LSAMP: variants seen among roughly 807,000 people sequenced by gnomAD.
The protein encoded by LSAMP is limbic system associated membrane protein.
LSAMP carries 7 observed loss-of-function variants against 38.6 expected under a neutral mutation model. The observed-to-expected ratio is 0.18, with a 90% CI of 0.10 to 0.34. The LOEUF (loss-of-function observed/expected upper bound fraction) is 0.34, where lower values mean the gene tolerates loss of function less well. Ranked by LOEUF, LSAMP falls within the 10% of genes least tolerant of loss-of-function variation. The pLI is 1.00. For missense variants in LSAMP, 313 were observed against 420.0 expected (o/e 0.75, Z 2.23); for synonymous variants, 154 against 166.8 (o/e 0.92, Z 0.59).
Position 116,404,634 on chromosome 3 carries a change from C to T in LSAMP, c.155+40243G>A, listed in dbSNP as rs144070306. Among the ~76,000 whole-genome samples the T allele has an allele frequency of 3.0e-4, 45 of 152,248 alleles. 1 individual carries two copies. In the East Asian group the frequency reaches 8.5e-3, roughly 29 times the overall value. On this transcript the variant is annotated intron_variant, in intron 1 of 6. Transcript: ENST00000490035. ...CAATGATAATGATGACAATAAAACT[C>T]TCTACAGATATACTATCTCACAAAG...
At chr3:116,333,842 A>G (rs2047885404) in intron 1 of LSAMP, among the ~76,000 whole-genome samples, 1 of 151,902 alleles carries the variant, frequency 6.6e-6, no homozygotes, top group Non-Finnish European at 1.5e-5. Context: ...TTTTGAAATT[A>G]AAAAAAGACA....
At chr3:116,052,169 G>C (rs1274803343) in intron 2 of LSAMP, among the ~76,000 whole-genome samples, 1 of 152,118 alleles carries the variant, frequency 6.6e-6, no homozygotes, top group Non-Finnish European at 1.5e-5. Flanking sequence ...ACTGATAGAT[G>C]ATGATCATGA....
chr3:116,426,992 A>G (rs1390080395), intron 1 of LSAMP, among the ~76,000 whole-genome samples: 3 of 151,018 alleles, frequency 2.0e-5, no homozygotes, highest in Non-Finnish European at 4.4e-5. Context: ...TATTCTATTT[A>G]TTGTGTCCTC....
chr3:116,102,603 C>G (rs930429206), intron 1 of LSAMP, among the ~76,000 whole-genome samples: 6 of 152,218 alleles, frequency 3.9e-5, no homozygotes, highest in Admixed American at 3.9e-4. Context: ...AGAATTATCT[C>G]TCATTACCTG....
chr3:116,156,683 C>T (rs1424468162), intron 1 of LSAMP, among the ~76,000 whole-genome samples: 1 of 151,998 alleles, frequency 6.6e-6, no homozygotes, highest in South Asian at 2.1e-4. Flanking sequence ...TAAAAAGATG[C>T]AAGCCAACCA....
At chr3:116,239,567 T>C (rs1024372232) in intron 1 of LSAMP, among the ~76,000 whole-genome samples, 6 of 152,166 alleles carry the variant, frequency 3.9e-5, no homozygotes, top group African/African-American at 1.4e-4. Flanking sequence ...TACCCTAAAT[T>C]AAAAAATGAT....
intron 1 of LSAMP, among the ~76,000 whole-genome samples, chr3:116,244,920 C>T (rs974889268): frequency 9.2e-5 from 14 of 152,092 alleles, no homozygotes; most frequent in Non-Finnish European, 1.9e-4. Context: ...TCAAATGGTT[C>T]GAGTGTTCAG....
chr3:116,200,354 A>G (rs2045972184), intron 1 of LSAMP, among the ~76,000 whole-genome samples: 1 of 152,160 alleles, frequency 6.6e-6, no homozygotes, highest in African/African-American at 2.4e-5. Context: ...TCATCTGGAT[A>G]TTGTTCCCTA....
At chr3:116,166,950 C>T (rs1026652251) in intron 1 of LSAMP, among the ~76,000 whole-genome samples, 30 of 151,564 alleles carry the variant, frequency 2.0e-4, no homozygotes, top group African/African-American at 6.3e-4. Context: ...GCCACCAGGC[C>T]CGGCTAATTT....
chr3:115,956,847 T>C (rs982469474), intron 3 of LSAMP, among the ~76,000 whole-genome samples: 2 of 152,204 alleles, frequency 1.3e-5, no homozygotes, highest in African/African-American at 2.4e-5. Context: ...CAAGGGTTTC[T>C]TGGATTTAGG....
At chr3:116,076,062 A>C (rs1707735209) in intron 2 of LSAMP, among the ~76,000 whole-genome samples, 1 of 152,160 alleles carries the variant, frequency 6.6e-6, no homozygotes, top group Non-Finnish European at 1.5e-5. Flanking sequence ...ATTTTTTAAA[A>C]AATTAATTCA....
intron 3 of LSAMP, among the ~76,000 whole-genome samples, chr3:115,941,752 A>G (rs1250174644): frequency 6.6e-6 from 1 of 152,190 alleles, no homozygotes; most frequent in African/African-American, 2.4e-5. Context: ...AATAAGTAGA[A>G]CTCATAGAAA....
chr3:115,896,561 A>G (rs545677021), intron 3 of LSAMP, among the ~76,000 whole-genome samples: 1 of 152,208 alleles, frequency 6.6e-6, no homozygotes, highest in South Asian at 2.1e-4. Context: ...GCACTGTCAA[A>G]AACAGTGTAG....
At chr3:116,283,119 T>C (rs1205926469) in intron 1 of LSAMP, among the ~76,000 whole-genome samples, 1 of 151,872 alleles carries the variant, frequency 6.6e-6, no homozygotes, top group Non-Finnish European at 1.5e-5. Flanking sequence ...CCAGTTCTTC[T>C]TACTCTTCCT....
chr3:116,265,442 G>A (rs1207798415), intron 1 of LSAMP, among the ~76,000 whole-genome samples: 1 of 152,104 alleles, frequency 6.6e-6, no homozygotes, highest in African/African-American at 2.4e-5. Flanking sequence ...ACACATTGAC[G>A]GTTCATAGCC....
rs1033309123 is a variant in LSAMP, at chr3:115,866,227, A to T, written c.515-13610T>A. 4.6e-5 allele frequency among the ~76,000 whole-genome samples: 7 copies of T among 151,832 alleles called. No homozygotes were observed. In the South Asian group the frequency reaches 1.5e-3, roughly 31 times the overall value. On this transcript the variant is annotated intron_variant, in intron 3 of 6. Transcript: ENST00000490035. ...AGCTCTGTTCCTGAGATTGATCCTC[A>T]TTTGCCTACCAGTTCTAGACACTAG... is the stretch of plus-strand genomic sequence containing the variant.
intron 1 of LSAMP, among the ~76,000 whole-genome samples, chr3:116,123,412 GCAA>G (rs1278532878): frequency 1.3e-5 from 2 of 152,146 alleles, no homozygotes; most frequent in Non-Finnish European, 2.9e-5. Flanking sequence ...GAAAAAAATG[GCAA>G]CAAAAGTCTA....
chr3:116,398,685 T>C (rs1349965973), intron 1 of LSAMP, among the ~76,000 whole-genome samples: 3 of 151,910 alleles, frequency 2.0e-5, no homozygotes, highest in Admixed American at 6.6e-5. Flanking sequence ...CATAAAAGAG[T>C]CTGTAATTTA....
At chr3:116,139,442 A>G (rs1709324369) in intron 1 of LSAMP, among the ~76,000 whole-genome samples, 1 of 152,010 alleles carries the variant, frequency 6.6e-6, no homozygotes, top group African/African-American at 2.4e-5. Context: ...GATTGTTTTT[A>G]CTGCCATAAA....
Sources: allele counts gnomAD v4.1 joint callset (sites outside exome capture counted in the v4.1 genomes callset), GRCh38; gene constraint gnomAD v4.1.1; transcripts MANE v1.5; gene names NCBI Gene and HGNC (gene_info 2026-07-23, HGNC 2026-07-21).